The following TNS1 variants were observed in gnomAD, a reference collection of about 807,000 sequenced individuals.
TNS1 encodes the protein tensin-1.
Under a neutral mutation model 168.6 loss-of-function variants are expected in TNS1, and 62 were observed. The ratio of observed to expected loss-of-function variants is 0.37; its 90% CI spans 0.30 to 0.45. The LOEUF (loss-of-function observed/expected upper bound fraction) is 0.45. Ranked by LOEUF, TNS1 falls within the 20% of genes least tolerant of loss-of-function variation. TNS1 has a pLI of 1.00. For synonymous variants in TNS1, 934 were observed against 933.2 expected, an observed-to-expected ratio of 1.00 and a Z score of -0.02; for missense variants, 2,240 against 2,339.4, an observed-to-expected ratio of 0.96 and a Z score of 0.88.
At chr2:218,018,458 C>T (rs1958781089) in intron 1 of TNS1, among the ~76,000 whole-genome samples, 3 of 152,264 alleles carry the variant, frequency 2.0e-5, no homozygotes, top group African/African-American at 7.2e-5. Context: ...TAGCCTGGAA[C>T]TCACCGTATG....
intron 1 of TNS1, chr2:218,010,062 G>C (rs548141943): frequency 2.6e-6 from 1 of 391,426 alleles, no homozygotes; most frequent in South Asian, 1.3e-4. Context: ...GGGGCGGGGG[G>C]GGGTCGGAAG....
In TNS1 at chr2:218,032,728, G is replaced by C. The variant is rs912945226; in HGVS notation, c.156+1092C>G. ...CTAAACCCCTGAAGGGGGGAGCCCC[G>C]AGCAGCAGCAACCCTCACTGGAGCC... is the stretch of plus-strand genomic sequence containing the variant. On this transcript the variant is annotated intron_variant, in intron 1 of 1. Transcript: ENST00000649572. This position sits in a 1 kb window ranked among gnomAD's most constrained non-coding sequence, Gnocchi z 4.0. Among the ~76,000 whole-genome samples the C allele has an allele frequency of 7.9e-5, 12 of 152,146 alleles. No homozygotes were observed. The highest frequency in any genetic ancestry group is 1.8e-4 in the Non-Finnish European group (12 of 68,016).
intron 19 of TNS1, among the ~76,000 whole-genome samples, chr2:217,838,567 T>G (rs980695100): frequency 1.3e-5 from 2 of 152,146 alleles, no homozygotes; most frequent in Admixed American, 1.3e-4. Context: ...TGCGGAAGGG[T>G]AAGACCCTGC....
chr2:217,931,900 C>A (rs1956343501), intron 3 of TNS1, among the ~76,000 whole-genome samples: 1 of 152,172 alleles, frequency 6.6e-6, no homozygotes, highest in Non-Finnish European at 1.5e-5. Context: ...TATCACTGTC[C>A]TATGTGGTGG....
chr2:218,010,951 A>C (rs972147725), upstream of TNS1, among the ~76,000 whole-genome samples: 19 of 151,632 alleles, frequency 1.3e-4, no homozygotes, highest in Non-Finnish European at 2.1e-4. Context: ...CTGGCCACAC[A>C]CTCCGACTCC....
upstream of TNS1, among the ~76,000 whole-genome samples, chr2:218,007,829 C>T (rs963203301): frequency 3.3e-5 from 5 of 152,122 alleles, no homozygotes; most frequent in Non-Finnish European, 2.9e-5. Flanking sequence ...GCAGAGGGTG[C>T]ATGAGTGGGA....
intron 3 of TNS1, among the ~76,000 whole-genome samples, chr2:217,963,190 T>C (rs11694996): frequency 0.22 from 33,844 of 151,980 alleles, 6,490 homozygotes; most frequent in African/African-American, 0.51. Context: ...CCGAGATACC[T>C]CCAGGAATCA....
chr2:217,882,188 T>G (rs1209035009), intron 17 of TNS1, 158 bp downstream of exon 17: 10 of 582,966 alleles, frequency 1.7e-5, no homozygotes, highest in Non-Finnish European at 3.1e-5. Context: ...GGTTCATGTT[T>G]AGCTAGGGGT....
rs1374297808 is a variant in TNS1 at position 217,817,691 on chromosome 2, T to G, written c.4641A>C (p.Pro1547=). 6.3e-7 allele frequency: 1 copy of G among 1,585,962 alleles called. No homozygotes were observed. The highest frequency in any genetic ancestry group is 8.6e-7 in the Non-Finnish European group (1 of 1,161,242). ...AAAATGGAAGGGGGAGAGGCCCACC[T>G]GGCATGGAGTACTTGGAGAAGTCGG... ...TLPDFSKYSM[P]DNSPETRAKV... The change falls in exon 24 of 33, where the codon CCA becomes CCC. Residue 1547 remains proline, a splice_region_variant and synonymous_variant. Transcript: ENST00000682258.
intron 22 of TNS1, among the ~76,000 whole-genome samples, chr2:217,828,565 C>T (rs192928574): frequency 3.3e-5 from 5 of 152,330 alleles, no homozygotes; most frequent in East Asian, 3.9e-4. Context: ...CCTGGCCTCC[C>T]GCCCAGGCTG....
intron 10 of TNS1, 115 bp downstream of exon 10, chr2:217,893,324 C>T: frequency 6.9e-7 from 1 of 1,439,550 alleles, no homozygotes; most frequent in Non-Finnish European, 9.1e-7. Context: ...CTCGCAAAAT[C>T]CAAAGATATA....
chr2:217,824,604 G>A (rs978436176), intron 22 of TNS1, among the ~76,000 whole-genome samples: 2 of 152,128 alleles, frequency 1.3e-5, no homozygotes, highest in Non-Finnish European at 2.9e-5. Context: ...TCTGCAAGTC[G>A]GGAAGCCAAT....
intron 4 of TNS1, among the ~76,000 whole-genome samples, chr2:217,918,145 A>C (rs1330340076): frequency 2.0e-5 from 3 of 152,222 alleles, no homozygotes; most frequent in Admixed American, 6.5e-5. Flanking sequence ...GCATTGAAGG[A>C]CTTGGAAAAC....
chr2:217,809,676 G>A, intron 30 of TNS1, 147 bp downstream of exon 30: 1 of 800,698 alleles, frequency 1.2e-6, no homozygotes. Context: ...TGGGTAGATG[G>A]GAGGTAGATG....
At chr2:218,029,395 A>C (rs1235173224) in intron 1 of TNS1, among the ~76,000 whole-genome samples, 3 of 152,226 alleles carry the variant, frequency 2.0e-5, no homozygotes, top group Non-Finnish European at 4.4e-5. Context: ...CATCATCAAA[A>C]TGGAGGGACA....
At position 218,032,022 on chromosome 2, in the gene TNS1, C is replaced by G. The variant is rs748393182; in HGVS notation, c.156+1798G>C. 5.3e-5 allele frequency among the ~76,000 whole-genome samples: 8 copies of G among 152,258 alleles called. No individual in the cohort carries two copies. Among genetic ancestry groups the G allele is most frequent in the Non-Finnish European group, 1.2e-4 (8 of 68,042 alleles). ...GCACCCGGAGATGCCCGCCAGGCCCCTTGGCACCCAGAAGGCTTGGCTGGA... is the reference window on the plus strand; with the variant it reads ...GCACCCGGAGATGCCCGCCAGGCCCGTTGGCACCCAGAAGGCTTGGCTGGA... On this transcript the variant is annotated intron_variant, in intron 1 of 1. Transcript: ENST00000649572. The surrounding 1 kb of genome is among the most constrained non-coding windows in gnomAD (Gnocchi z 4.0).
intron 7 of TNS1, among the ~76,000 whole-genome samples, chr2:217,899,593 C>G (rs1158590934): frequency 1.3e-5 from 2 of 152,230 alleles, no homozygotes; most frequent in African/African-American, 4.8e-5. Flanking sequence ...TCAGCCTCTC[C>G]CTCAGCACAG....
intron 16 of TNS1, 38 bp from the exon 17 acceptor site, chr2:217,882,449 GTCCC>G: frequency 6.9e-7 from 1 of 1,450,040 alleles, no homozygotes; most frequent in Non-Finnish European, 9.5e-7. Flanking sequence ...TAGGCAAAAA[GTCCC>G]AAAAAGGATT....
intron 1 of TNS1, among the ~76,000 whole-genome samples, chr2:218,009,108 C>G (rs956329960): frequency 2.6e-5 from 4 of 152,340 alleles, no homozygotes; most frequent in Non-Finnish European, 4.4e-5. Flanking sequence ...GGCTCCATAG[C>G]TGGGACTCTT....
Sources: gnomAD v4.1 joint callset for allele counts (sites outside exome capture counted in the v4.1 genomes callset) on GRCh38, gnomAD v4.1.1 for gene constraint, Gnocchi (gnomAD v3.1) non-coding constraint, MANE v1.5 for transcripts, NCBI Gene and HGNC (gene_info 2026-07-23, HGNC 2026-07-21) for gene names.